The following NTM variants were observed in gnomAD, a reference collection of about 807,000 sequenced individuals.
The protein encoded by NTM is neurotrimin, also known as IgLON family member 2.
In NTM, 13 loss-of-function variants were observed where a neutral mutation model predicts 42.1. That is an observed-to-expected ratio of 0.31 (90% confidence interval 0.20 to 0.49). The LOEUF is 0.49. NTM is among the 20% of genes least tolerant of loss of function. The pLI is 0.99. For missense variants in NTM, 373 were observed against 452.8 expected (o/e 0.82, Z 1.60); for synonymous variants, 187 against 179.2 (o/e 1.04, Z -0.35).
At chr11:132,334,859 AGT>A in intron 8 of NTM, 185 bp from the exon 9 acceptor site, 2 of 483,348 alleles carry the variant, frequency 4.1e-6, no homozygotes, top group Non-Finnish European at 5.4e-6. Context: ...CCCGTTATCT[AGT>A]GTGTGTGTCT....
chr11:131,515,720 C>T (rs901884581), intron 1 of NTM, among the ~76,000 whole-genome samples: 45 of 152,276 alleles, frequency 3.0e-4, no homozygotes, highest in Admixed American at 2.8e-3. Flanking sequence ...ACCCTAGGAT[C>T]GGAGATTTTC....
intron 1 of NTM, among the ~76,000 whole-genome samples, chr11:131,822,270 T>G (rs2093221263): frequency 6.6e-6 from 1 of 152,158 alleles, no homozygotes; most frequent in Non-Finnish European, 1.5e-5. Flanking sequence ...TTCTTCTTCA[T>G]TCTCATGGCC....
At chr11:132,233,062 C>A (rs936914832) in intron 4 of NTM, among the ~76,000 whole-genome samples, 3 of 152,158 alleles carry the variant, frequency 2.0e-5, no homozygotes, top group Non-Finnish European at 2.9e-5. Flanking sequence ...CACAGCTGGG[C>A]AGTGCAGGAA....
intron 2 of NTM, among the ~76,000 whole-genome samples, chr11:132,051,799 A>G (rs1022378704): frequency 6.6e-6 from 1 of 152,192 alleles, no homozygotes; most frequent in Non-Finnish European, 1.5e-5. Flanking sequence ...GCCATATGTG[A>G]GCTTTATCAA....
chr11:132,234,444 C>G (rs2088332360), intron 4 of NTM, among the ~76,000 whole-genome samples: 1 of 152,152 alleles, frequency 6.6e-6, no homozygotes, highest in South Asian at 2.1e-4. Flanking sequence ...TGCCTCTTCA[C>G]CCTCTCTCCC....
At chr11:131,704,523 G>A (rs919796546) in intron 1 of NTM, among the ~76,000 whole-genome samples, 3 of 152,190 alleles carry the variant, frequency 2.0e-5, no homozygotes, top group African/African-American at 7.2e-5. Flanking sequence ...AACTGGAAAA[G>A]ATGCCTAATT....
At chr11:132,006,173 G>A (rs1183845246) in intron 2 of NTM, among the ~76,000 whole-genome samples, 3 of 152,116 alleles carry the variant, frequency 2.0e-5, no homozygotes, top group Admixed American at 2.0e-4. Context: ...TGTAGGAGTT[G>A]ACAGAAATCT....
At chr11:131,995,927 T>C (rs1329431563) in intron 2 of NTM, among the ~76,000 whole-genome samples, 1 of 152,138 alleles carries the variant, frequency 6.6e-6, no homozygotes, top group African/African-American at 2.4e-5. Flanking sequence ...ATTGTCTGCA[T>C]GTGGTGACCT....
At chr11:132,235,629 G>A (rs2088664077) in intron 4 of NTM, among the ~76,000 whole-genome samples, 1 of 152,092 alleles carries the variant, frequency 6.6e-6, no homozygotes, top group Non-Finnish European at 1.5e-5. Context: ...ATTAGCTGAG[G>A]TAATGCAGGC....
intron 1 of NTM, among the ~76,000 whole-genome samples, chr11:131,507,813 G>C (rs1415706386): frequency 1.2e-4 from 18 of 150,306 alleles, no homozygotes; most frequent in African/African-American, 3.7e-4. Context: ...TATTCTCTTT[G>C]AAGCAATTGT....
chr11:131,438,592 A>G (rs1949342181), intron 1 of NTM, among the ~76,000 whole-genome samples: 3 of 152,088 alleles, frequency 2.0e-5, no homozygotes, highest in Admixed American at 2.0e-4. Context: ...AAGTTTGTGC[A>G]TGTGTCACGT....
intron 2 of NTM, among the ~76,000 whole-genome samples, chr11:132,025,664 T>G (rs1028575990): frequency 7.2e-5 from 11 of 152,314 alleles, no homozygotes; most frequent in Admixed American, 4.6e-4. Flanking sequence ...TGGAATGTTC[T>G]GATAGCTGGG....
chr11:131,966,472 A>T (rs1285698192), intron 2 of NTM, among the ~76,000 whole-genome samples: 1 of 152,188 alleles, frequency 6.6e-6, no homozygotes, highest in African/African-American at 2.4e-5. Flanking sequence ...TGAACAAGAG[A>T]TACAGGGACA....
intron 1 of NTM, among the ~76,000 whole-genome samples, chr11:131,614,146 C>A (rs2061699589): frequency 6.6e-6 from 1 of 152,140 alleles, no homozygotes; most frequent in Non-Finnish European, 1.5e-5. Flanking sequence ...GAACTAGAAG[C>A]ACAGACTTTA....
In NTM at chr11:132,146,415, G is replaced by A. The variant is rs759790304; in HGVS notation, c.301G>A (p.Glu101Lys). 13 of 1,614,040 alleles carry A rather than the reference G, an allele frequency of 8.1e-6. No individual in the cohort carries two copies. The highest frequency in any genetic ancestry group is 4.0e-5 in the African/African-American group (3 of 74,912). Residue 101 changes from glutamate to lysine, a missense_variant, in exon 3 of 9, where the codon GAG becomes AAG. Physicochemically the swap from Glu to Lys is moderately conservative, Grantham distance 56 (BLOSUM62 1). Transcript: ENST00000683400. This position sits in a 1 kb window ranked among gnomAD's most constrained non-coding sequence, Gnocchi z 4.5. ...LSNTQTQYSI[E>K]IQNVDVYDEG... ...CAACACCCAAACGCAGTACAGCATC[G>A]AGATCCAGAACGTGGATGTGTATGA... is the stretch of plus-strand genomic sequence containing the variant.
At chr11:132,211,979 G>C in intron 3 of NTM, 43 bp from the exon 4 acceptor site, 1 of 1,588,770 alleles carries the variant, frequency 6.3e-7, no homozygotes, top group Non-Finnish European at 8.6e-7. Context: ...ACTAAGAAAT[G>C]TTTCAGGAGG....
At chr11:132,213,730 CTTTTTTTT>C (rs59685389) in intron 4 of NTM, among the ~76,000 whole-genome samples, 2 of 80,538 alleles carry the variant, frequency 2.5e-5, no homozygotes, top group African/African-American at 9.9e-5. Context: ...GGCCACCATT[CTTTTTTTT>C]TTTTTTTTTT....
rs79285797 is a variant in NTM, at chr11:131,390,973, C to A, written c.82+20085C>A. ...ATGTGGGCTTGTGTGTGAACTACTA[C>A]GCCCAGTCCCAGGTGAGGTCCTGGA... is the stretch of plus-strand genomic sequence containing the variant. On this transcript the variant is annotated intron_variant, in intron 1 of 8. Coordinates refer to ENST00000683400, the MANE Select transcript of NTM (RefSeq NM_001352005.2). Among the ~76,000 whole-genome samples the A allele has an allele frequency of 4.7e-3, 718 of 152,262 alleles. 5 individuals are homozygous for A. The highest frequency in any genetic ancestry group is 0.016 in the African/African-American group (679 of 41,544).
intron 2 of NTM, among the ~76,000 whole-genome samples, chr11:131,941,255 T>C (rs181214739): frequency 6.6e-6 from 1 of 152,324 alleles, no homozygotes; most frequent in African/African-American, 2.4e-5. Context: ...AAACCTGTTA[T>C]CCTATATCAT....
Sources: gnomAD v4.1 joint callset for allele counts (sites outside exome capture counted in the v4.1 genomes callset) on GRCh38, gnomAD v4.1.1 for gene constraint, Gnocchi (gnomAD v3.1) non-coding constraint, MANE v1.5 for transcripts, NCBI Gene and HGNC (gene_info 2026-07-23, HGNC 2026-07-21) for gene names.